DYNC1H1: variants seen among roughly 807,000 people sequenced by gnomAD.
DYNC1H1 encodes dynein cytoplasmic 1 heavy chain 1, also known as cytoplasmic dynein 1 heavy chain 1.
DYNC1H1 carries 51 observed loss-of-function variants against 527.1 expected under a neutral mutation model. The ratio of observed to expected loss-of-function variants is 0.10; its 90% confidence interval spans 0.08 to 0.12. The LOEUF (loss-of-function observed/expected upper bound fraction) is 0.12, where lower values mean the gene tolerates loss of function less well. DYNC1H1 is among the 10% of genes least tolerant of loss of function. The pLI is 1.00. For missense variants in DYNC1H1, 2,771 were observed against 5,971.8 expected (o/e 0.46, Z 17.66); for synonymous variants, 2,189 against 2,278.8 (o/e 0.96, Z 1.12).
rs929041020 is a variant in DYNC1H1, at chr14:101,985,269, A to G, written c.1462-418A>G. On this transcript the variant is annotated intron_variant, in intron 7 of 77. Coordinates refer to ENST00000360184, the MANE Select transcript of DYNC1H1 (RefSeq NM_001376.5). This position sits in a 1 kb window ranked among gnomAD's most constrained non-coding sequence, Gnocchi z 5.9. ...ACATATGCCTGAGATTTATAAAACA[A>G]TTAAATGACTAATTTCTTTATATAT... 6.6e-6 allele frequency among the ~76,000 whole-genome samples: 1 copy of G among 152,186 alleles called. No homozygotes were observed. Among genetic ancestry groups the G allele is most frequent in the Admixed American group, 6.5e-5 (1 of 15,274 alleles).
chr14:101,964,703 C>G lies in DYNC1H1; in HGVS notation c.12C>G (p.Pro4=), dbSNP rs777616661. Residue 4 remains proline (P), a synonymous_variant, in exon 1 of 78, where the codon CCC becomes CCG. Transcript: ENST00000360184. This position sits in a 1 kb window ranked among gnomAD's most constrained non-coding sequence, Gnocchi z 5.5. ...CCGAGCGCGACACCATGTCGGAGCC[C>G]GGGGGCGGCGGCGGCGAGGACGGCT... MSE[P]GGGGGEDGSA... 6.3e-7 allele frequency: 1 copy of G among 1,593,860 alleles called. No individual in the cohort carries two copies. The highest frequency in any genetic ancestry group is 1.1e-5 in the South Asian group (1 of 89,770).
chr14:102,011,803 G>A lies in DYNC1H1; in HGVS notation c.6619-72G>A, dbSNP rs967496778. Reference sequence around the variant, plus strand: ...ATGTTTCTTGCTCACTTTCACAAGAGGTGGCTGGGCGAGGAGCTGTCCCCA... The same window carrying A: ...ATGTTTCTTGCTCACTTTCACAAGAAGTGGCTGGGCGAGGAGCTGTCCCCA... On this transcript the variant is annotated intron_variant, in intron 32 of 77. Transcript: ENST00000360184. The surrounding 1 kb of genome is among the most constrained non-coding windows in gnomAD (Gnocchi z 5.3). 2.0e-6 allele frequency: 3 copies of A among 1,505,560 alleles called. No homozygotes were observed. Among genetic ancestry groups the A allele is most frequent in the African/African-American group, 2.7e-5 (2 of 72,772 alleles). 93.3% of individuals were successfully genotyped at this position (1,505,560 alleles called of 1,614,324 possible). A position where few individuals can be genotyped will look rare whatever the true frequency, so the allele number is the denominator to read the frequency against.
At chr14:101,973,744 C>T (rs1425186011) in intron 1 of DYNC1H1, among the ~76,000 whole-genome samples, 1 of 152,182 alleles carries the variant, frequency 6.6e-6, no homozygotes, top group Non-Finnish European at 1.5e-5. Flanking sequence ...ATCAAGACTA[C>T]AGTGAGGTGT....
chr14:102,048,259 C>A, intron 73 of DYNC1H1: 2 of 717,082 alleles, frequency 2.8e-6, no homozygotes, highest in East Asian at 5.4e-5. Flanking sequence ...CAGACAGCGC[C>A]ACAGCGAGCA....
intron 1 of DYNC1H1, among the ~76,000 whole-genome samples, chr14:101,966,595 AC>A (rs1234420396): frequency 1.3e-5 from 2 of 152,190 alleles, no homozygotes; most frequent in Non-Finnish European, 2.9e-5. Flanking sequence ...TTATTAAAAT[AC>A]ATTTTAATCT....
rs1056503791 is a variant in DYNC1H1, at chr14:102,005,340, G to A, written c.5433+104G>A. ...TGAAAAAGGTTTCAGGTAGTATCAA[G>A]GAGAACAGTGGATGGTGTATGGATA... On this transcript the variant is annotated intron_variant, in intron 26 of 77. Transcript: ENST00000360184. The surrounding 1 kb of genome is among the most constrained non-coding windows in gnomAD (Gnocchi z 4.0). 5 of 1,431,772 alleles carry A rather than the reference G, an allele frequency of 3.5e-6. No individual in the cohort carries two copies. Among genetic ancestry groups the A allele is most frequent in the East Asian group, 2.3e-5 (1 of 44,068 alleles). The allele number at this position is 1,431,772 out of a possible 1,614,324, so 88.7% of individuals were successfully genotyped here.
At position 102,034,109 on chromosome 14, in the gene DYNC1H1, A is replaced by C; in HGVS notation, c.10547A>C (p.Tyr3516Ser). The C allele has an allele frequency of 1.2e-6, 2 of 1,614,134 alleles. No individual in the cohort carries two copies. The highest frequency in any genetic ancestry group is 1.7e-6 in the Non-Finnish European group (2 of 1,180,042). Residue 3516 changes from tyrosine to serine, a missense_variant, in exon 55 of 78, where the codon TAC becomes TCC. Physicochemically the swap from Tyr to Ser is moderately radical, Grantham distance 144 (BLOSUM62 -2). Around this residue, in one of 32 missense-constraint regions of DYNC1H1, gnomAD observed 283 missense variants for 737.6 expected, o/e 0.38. Coordinates refer to ENST00000360184, the MANE Select transcript of DYNC1H1 (RefSeq NM_001376.5). ...DCLLSAAFIA[Y>S]AGYFDQQMRQ... The stretch of plus-strand genomic sequence containing the variant: ...CTCTTGTCAGCTGCGTTCATTGCCT[A>C]CGCGGGTTACTTTGACCAGCAGATG...
chr14:101,991,005 C>A lies in DYNC1H1; in HGVS notation c.2869-522C>A, dbSNP rs1240164095. On this transcript the variant is annotated intron_variant, in intron 10 of 77. Transcript: ENST00000360184. ...GCCTGGCGACAGAGTGAGACTCCGT[C>A]TCAAAAAAAAAAAAAAAAAATACAA... 2.1e-5 allele frequency among the ~76,000 whole-genome samples: 3 copies of A among 139,754 alleles called. No individual in the cohort carries two copies. In the East Asian group the frequency reaches 6.1e-4, roughly 29 times the overall value. The allele number at this position is 139,754 out of a possible 152,430, so 91.7% of individuals were successfully genotyped here.
chr14:101,989,795 G>T (rs142508239), intron 10 of DYNC1H1, among the ~76,000 whole-genome samples: 2 of 152,278 alleles, frequency 1.3e-5, no homozygotes, highest in African/African-American at 4.8e-5. Context: ...AGAAGCAAAT[G>T]AGTGTTTCTA....
chr14:102,004,665 A>G lies in DYNC1H1; in HGVS notation c.5031A>G (p.Ser1677=), dbSNP rs1260082505. 9 of 1,614,198 alleles carry G rather than the reference A, an allele frequency of 5.6e-6. No individual in the cohort carries two copies. The highest frequency in any genetic ancestry group is 6.8e-6 in the Non-Finnish European group (8 of 1,180,036). The change falls in exon 24 of 78, where the codon TCA becomes TCG. Residue 1677 remains serine (S), a synonymous_variant. Coordinates refer to ENST00000360184, the MANE Select transcript of DYNC1H1 (RefSeq NM_001376.5). ...ATAACTCTGTTGTTTTGGGTATTTC[A>G]TCTCGGGAAGGAGAGGAGGTAAATT... ...NEDNSVVLGI[S]SREGEEVMFK... is the part of the protein sequence containing the mutation.
At chr14:102,040,205 G>T in intron 62 of DYNC1H1, 31 bp from the exon 63 acceptor site, 2 of 1,613,090 alleles carry the variant, frequency 1.2e-6, no homozygotes, top group South Asian at 2.2e-5. Context: ...GAACGTGAGA[G>T]ACCCTAGCTA....
At chr14:102,004,245 A>AAAATAAAT (rs58406901) in intron 23 of DYNC1H1, among the ~76,000 whole-genome samples, 1 of 151,124 alleles carries the variant, frequency 6.6e-6, no homozygotes, top group Non-Finnish European at 1.5e-5. Flanking sequence ...CTCCGTCTCA[A>AAAATAAAT]AAATAAATAA....
At chr14:102,035,281 T>TCAAA (rs898749268) in intron 56 of DYNC1H1, 4 of 152,228 alleles carry the variant, frequency 2.6e-5, no homozygotes, top group Admixed American at 6.5e-5. Flanking sequence ...GGGTGGACAT[T>TCAAA]CAAACAAACA....
intron 72 of DYNC1H1, among the ~76,000 whole-genome samples, chr14:102,046,547 C>A (rs2048722045): frequency 6.6e-6 from 1 of 152,102 alleles, no homozygotes; most frequent in African/African-American, 2.4e-5. Flanking sequence ...GTCTGGAGCA[C>A]ACTGCAGGCA....
In DYNC1H1 at chr14:102,022,130, T is replaced by TGTAA. The variant is rs766213169; in HGVS notation, c.8508-603_8508-600dup. ...CAGCCTGGGCAACAGAGTGAGACTC[T>TGTAA]GTAAGTAAGTAAGTAAGTAAGATCG... On this transcript the variant is annotated intron_variant, in intron 42 of 77. Transcript: ENST00000360184. 1.9e-4 allele frequency among the ~76,000 whole-genome samples: 28 copies of TGTAA among 149,200 alleles called. 1 individual carries two copies. Among genetic ancestry groups the TGTAA allele is most frequent in the South Asian group, 2.1e-4 (1 of 4,696 alleles).
intron 1 of DYNC1H1, among the ~76,000 whole-genome samples, chr14:101,970,999 C>T (rs149090254): frequency 6.6e-6 from 1 of 150,880 alleles, no homozygotes; most frequent in East Asian, 1.9e-4. Context: ...GGCACTTTAC[C>T]AGTGTGCTTT....
Position 102,011,746 on chromosome 14 carries a change from C to T in DYNC1H1, c.6619-129C>T, listed in dbSNP as rs888603475. On this transcript the variant is annotated intron_variant, in intron 32 of 77. Transcript: ENST00000360184. This position sits in a 1 kb window ranked among gnomAD's most constrained non-coding sequence, Gnocchi z 5.3. ...CAGTCTGGGTGACAGAGAGAGACTC[C>T]GTTTCAGGAAAAAAAAAAAAATCCA... 3.6e-5 allele frequency: 35 copies of T among 975,846 alleles called. No homozygotes were observed. Among genetic ancestry groups the T allele is most frequent in the East Asian group, 7.7e-5 (3 of 38,892 alleles). The allele number at this position is 975,846 out of a possible 1,614,324, so 60.4% of individuals were successfully genotyped here.
intron 5 of DYNC1H1, among the ~76,000 whole-genome samples, chr14:101,981,401 G>T (rs1302833679): frequency 2.6e-5 from 4 of 152,216 alleles, no homozygotes; most frequent in Non-Finnish European, 4.4e-5. Flanking sequence ...AGGATTACAG[G>T]TGTGAGCTAC....
In DYNC1H1 at chr14:102,047,940, T is replaced by C. The variant is rs771721565; in HGVS notation, c.13130T>C (p.Met4377Thr). The part of the protein sequence containing the change: ...DSTSDGRPAW[M>T]RTLHTTASNW... ...ACGTCCGACGGGCGCCCTGCCTGGA[T>C]GCGGACACTGCACACCACCGCGTCC... Residue 4377 changes from methionine to threonine, a missense_variant, in exon 73 of 78, where the codon ATG becomes ACG. This residue lies in a region of DYNC1H1 where 170 missense variants were observed against 249.8 expected (regional missense o/e 0.68). Coordinates refer to ENST00000360184, the MANE Select transcript of DYNC1H1 (RefSeq NM_001376.5). 6.2e-7 allele frequency: 1 copy of C among 1,613,214 alleles called. No individual in the cohort carries two copies. Among genetic ancestry groups the C allele is most frequent in the Non-Finnish European group, 8.5e-7 (1 of 1,180,006 alleles).
Sources: gnomAD v4.1 joint callset for allele counts (sites outside exome capture counted in the v4.1 genomes callset) on GRCh38, gnomAD v4.1.1 for gene constraint, gnomAD v4.1.1 regional missense constraint, Gnocchi (gnomAD v3.1) non-coding constraint, MANE v1.5 for transcripts, NCBI Gene and HGNC (gene_info 2026-07-23, HGNC 2026-07-21) for gene names.